Variants in RNF130 observed in about 807,000 individuals in gnomAD.
RNF130 encodes ring finger protein 130, also known as E3 ubiquitin-protein ligase RNF130.
RNF130 carries 21 observed loss-of-function variants against 44.6 expected under a neutral mutation model. The ratio of observed to expected loss-of-function variants is 0.47; its 90% CI spans 0.33 to 0.68. The LOEUF (loss-of-function observed/expected upper bound fraction) is 0.68. RNF130 is among the 30% of genes least tolerant of loss of function. The pLI is 0.02. For missense variants in RNF130, 479 were observed against 560.6 expected, an observed-to-expected ratio of 0.85 and a Z score of 1.47; for synonymous variants, 214 against 210.4, an observed-to-expected ratio of 1.02 and a Z score of -0.15.
chr5:179,926,849 G>GA (rs1462738791), intron 7 of RNF130, among the ~76,000 whole-genome samples: 1 of 152,098 alleles, frequency 6.6e-6, no homozygotes, highest in African/African-American at 2.4e-5. Flanking sequence ...TGGGGGACCT[G>GA]ATGCCATTTC....
chr5:180,050,586 G>A (rs936488790), intron 1 of RNF130, among the ~76,000 whole-genome samples: 1 of 152,106 alleles, frequency 6.6e-6, no homozygotes, highest in African/African-American at 2.4e-5. Flanking sequence ...CACCATCACA[G>A]TCCTCCTCAC....
intron 3 of RNF130, among the ~76,000 whole-genome samples, chr5:179,999,213 G>C (rs537426103): frequency 6.6e-6 from 1 of 151,232 alleles, no homozygotes; most frequent in African/African-American, 2.4e-5. Flanking sequence ...GTAGAGACAG[G>C]GTTTCACCAT....
At chr5:179,976,617 T>C (rs777043091) in intron 5 of RNF130, among the ~76,000 whole-genome samples, 1 of 152,202 alleles carries the variant, frequency 6.6e-6, no homozygotes, top group Non-Finnish European at 1.5e-5. Context: ...TTTTCCTTTA[T>C]ATGTAAACTA....
intron 1 of RNF130, among the ~76,000 whole-genome samples, chr5:180,066,549 C>T (rs1337158873): frequency 6.6e-6 from 1 of 152,152 alleles, no homozygotes; most frequent in African/African-American, 2.4e-5. Context: ...TTGTCTTAGC[C>T]TGGGCAATAC....
In RNF130 at chr5:179,927,149, C is replaced by T. The variant is rs1482969167; in HGVS notation, c.1151-6723G>A. Among the ~76,000 whole-genome samples, 4 of 152,148 alleles carry T rather than the reference C, an allele frequency of 2.6e-5. No individual in the cohort carries two copies. The South Asian group carries it at 6.2e-4, about 24-fold the overall frequency. The stretch of plus-strand genomic sequence containing the variant: ...TTGGCAATAAGAAAATGGGTCAGAA[C>T]TTAAGTCAGTAATCTACATTGCTAA... On this transcript the variant is annotated intron_variant, in intron 7 of 7. Transcript: ENST00000522208.
chr5:179,963,715 A>G, intron 7 of RNF130, 151 bp from the exon 8 acceptor site: 2 of 645,076 alleles, frequency 3.1e-6, no homozygotes. Context: ...TTTGCCAGAG[A>G]GCTACTAACT....
chr5:179,923,129 A>G (rs1018639255), intron 7 of RNF130, among the ~76,000 whole-genome samples: 2 of 152,202 alleles, frequency 1.3e-5, no homozygotes, highest in Non-Finnish European at 2.9e-5. Flanking sequence ...CAAGGTCACT[A>G]AGATTTTCTC....
chr5:179,979,297 G>C (rs1229997012), intron 4 of RNF130, among the ~76,000 whole-genome samples: 2 of 150,396 alleles, frequency 1.3e-5, no homozygotes, highest in Admixed American at 1.3e-4. Context: ...AGTTCACTAA[G>C]AATGTCTCCA....
intron 4 of RNF130, among the ~76,000 whole-genome samples, chr5:179,979,205 C>T (rs373006212): frequency 6.6e-6 from 1 of 151,916 alleles, no homozygotes; most frequent in South Asian, 2.1e-4. Context: ...CACTCCTCTG[C>T]CATTGAAATG....
chr5:180,005,773 T>A (rs774138059), intron 3 of RNF130, among the ~76,000 whole-genome samples: 1 of 152,220 alleles, frequency 6.6e-6, no homozygotes, highest in Non-Finnish European at 1.5e-5. Flanking sequence ...ATAACTCCTA[T>A]ACCACACAGT....
intron 8 of RNF130, chr5:179,955,961 A>G (rs1762203658): frequency 3.2e-6 from 1 of 312,198 alleles, no homozygotes; most frequent in East Asian, 5.2e-5. Flanking sequence ...TACAATTTAC[A>G]ATTTTTCCTG....
At chr5:179,965,638 A>G (rs1040929433) in intron 7 of RNF130, among the ~76,000 whole-genome samples, 6 of 152,204 alleles carry the variant, frequency 3.9e-5, no homozygotes, top group African/African-American at 1.4e-4. Context: ...ACTGTAGACC[A>G]TAAAACCTCA....
In RNF130 at chr5:180,046,991, A is replaced by T. The variant is rs1764580636; in HGVS notation, c.248-6344T>A. Reference sequence around the variant, plus strand: ...TTAAGCCAAAACTGGCATTAAAAAAAAGTTTGTGGCAAAGAGTTCTCTGTT... The same window carrying T: ...TTAAGCCAAAACTGGCATTAAAAAATAGTTTGTGGCAAAGAGTTCTCTGTT... On this transcript the variant is annotated intron_variant, in intron 1 of 8. Transcript: ENST00000521389. 2.4e-5 allele frequency among the ~76,000 whole-genome samples: 3 copies of T among 125,910 alleles called. No individual in the cohort carries two copies. In the South Asian group the frequency reaches 1.0e-3, roughly 43 times the overall value. 82.6% of individuals were successfully genotyped at this position (125,910 alleles called of 152,430 possible). A position where few individuals can be genotyped will look rare whatever the true frequency, so the allele number is the denominator to read the frequency against.
intron 7 of RNF130, among the ~76,000 whole-genome samples, chr5:179,922,956 G>A (rs1761655644): frequency 6.6e-6 from 1 of 152,026 alleles, no homozygotes; most frequent in African/African-American, 2.4e-5. Context: ...TACAAGTCTT[G>A]CCAGACATAC....
At chr5:180,049,491 A>G (rs1298416920) in intron 1 of RNF130, among the ~76,000 whole-genome samples, 1 of 152,226 alleles carries the variant, frequency 6.6e-6, no homozygotes, top group African/African-American at 2.4e-5. Flanking sequence ...GTTATTGCAA[A>G]TACTGCAAAA....
intron 3 of RNF130, among the ~76,000 whole-genome samples, chr5:179,989,499 T>C (rs1763030178): frequency 6.6e-6 from 1 of 152,208 alleles, no homozygotes; most frequent in African/African-American, 2.4e-5. Flanking sequence ...TTCACTATTA[T>C]CTATTTACGT....
At chr5:180,062,107 T>G (rs1237676386) in intron 1 of RNF130, among the ~76,000 whole-genome samples, 2 of 148,764 alleles carry the variant, frequency 1.3e-5, no homozygotes, top group Non-Finnish European at 3.0e-5. Context: ...CAGGCTGGAG[T>G]GCAGTGGCAC....
intron 8 of RNF130, among the ~76,000 whole-genome samples, chr5:179,956,975 A>C (rs1333513041): frequency 2.0e-5 from 3 of 152,260 alleles, no homozygotes; most frequent in Non-Finnish European, 4.4e-5. Flanking sequence ...AACTTCACAT[A>C]AAGTTCTGTA....
At chr5:179,918,564 A>G (rs1488641613) in exon 8 of RNF130, 1 of 152,210 alleles carries the variant, frequency 6.6e-6, no homozygotes, top group Admixed American at 6.6e-5. Context: ...AGCTTCCTGC[A>G]GACTCACCCT....
Sources: allele counts gnomAD v4.1 joint callset (sites outside exome capture counted in the v4.1 genomes callset), GRCh38; gene constraint gnomAD v4.1.1; transcripts MANE v1.5; gene names NCBI Gene and HGNC (gene_info 2026-07-23, HGNC 2026-07-21).